Variants in CIP2A observed in about 807,000 individuals in gnomAD.
The protein encoded by CIP2A is cellular inhibitor of PP2A.
In CIP2A, 103 loss-of-function variants were observed where a neutral mutation model predicts 110.9. That is an observed-to-expected ratio of 0.93 (90% CI 0.79 to 1.09). The LOEUF (loss-of-function observed/expected upper bound fraction) is 1.09. Among genes scored for constraint, CIP2A ranks in the 50% least tolerant of loss-of-function variants. The pLI is 0.00. For missense variants in CIP2A, 1,088 were observed against 1,038.4 expected (o/e 1.05, Z -0.66); for synonymous variants, 381 against 361.6 (o/e 1.05, Z -0.61).
intron 3 of CIP2A, among the ~76,000 whole-genome samples, 181 bp downstream of exon 3, chr3:108,582,796 T>C (rs1415793070): frequency 6.6e-6 from 1 of 152,226 alleles, no homozygotes; most frequent in Non-Finnish European, 1.5e-5. Flanking sequence ...GATAAGCTTC[T>C]CTTCTCTAGA....
chr3:108,573,517 CCT>C (rs1938467782), intron 8 of CIP2A, among the ~76,000 whole-genome samples: 2 of 151,634 alleles, frequency 1.3e-5, no homozygotes, highest in East Asian at 1.9e-4. Flanking sequence ...CTTCTACTCC[CCT>C]GTGCTACCTG....
chr3:108,567,597 A>G (rs1438230604), intron 10 of CIP2A, among the ~76,000 whole-genome samples: 1 of 151,960 alleles, frequency 6.6e-6, no homozygotes, highest in Non-Finnish European at 1.5e-5. Flanking sequence ...TTAAGCAGTG[A>G]AACTAAAAGG....
intron 8 of CIP2A, chr3:108,575,116 C>T (rs1404816386): frequency 6.6e-6 from 1 of 151,998 alleles, no homozygotes; most frequent in Admixed American, 6.5e-5. Flanking sequence ...ATCATACTCC[C>T]TTGTCCAAAA....
chr3:108,559,818 AG>A lies in CIP2A; in HGVS notation c.1951del (p.Ala652HisfsTer6), dbSNP rs1216560980. On this transcript the variant is annotated frameshift_variant, in exon 16 of 21. Transcript: ENST00000295746. LOFTEE classifies it high-confidence loss of function. ...AGCAATCAGTCTATCAGCCTGTGCA[AG>A]GGCTAGAGCTTTTGTTTCCAAAAGA... ...QDLLETKALA[L>X]AQADRLIAQH... is the part of the protein sequence containing the mutation. The A allele has an allele frequency of 1.2e-6, 2 of 1,607,348 alleles. No homozygotes were observed. Among genetic ancestry groups the A allele is most frequent in the Admixed American group, 3.3e-5 (2 of 59,866 alleles).
chr3:108,556,456 A>C (rs1445577761), intron 17 of CIP2A, among the ~76,000 whole-genome samples: 1 of 152,168 alleles, frequency 6.6e-6, no homozygotes, highest in African/African-American at 2.4e-5. Flanking sequence ...CTTTGCTAGT[A>C]GGCACACAAA....
chr3:108,583,489 C>T (rs1314068793), intron 2 of CIP2A, among the ~76,000 whole-genome samples: 1 of 152,062 alleles, frequency 6.6e-6, no homozygotes, highest in Non-Finnish European at 1.5e-5. Flanking sequence ...ATAAGCCAGA[C>T]ACAGAAAGAA....
intron 7 of CIP2A, among the ~76,000 whole-genome samples, chr3:108,577,517 T>A (rs1938702432): frequency 6.6e-6 from 1 of 152,138 alleles, no homozygotes; most frequent in African/African-American, 2.4e-5. Flanking sequence ...GGAGCTCCAA[T>A]CAAATGGGGC....
intron 8 of CIP2A, among the ~76,000 whole-genome samples, chr3:108,573,744 A>G (rs997740775): frequency 6.6e-6 from 1 of 152,192 alleles, no homozygotes; most frequent in African/African-American, 2.4e-5. Context: ...AATAAAAAAG[A>G]AAATATTGTT....
rs748054823 is a variant in CIP2A at position 108,582,249 on chromosome 3, C to T, written c.358-47G>A. On this transcript the variant is annotated intron_variant, in intron 3 of 20. Transcript: ENST00000295746. ...TAAATATAAAGATATAAAAACATTG[C>T]CTGCTTAAAATAATGGACTCTCAGG... 5.0e-6 allele frequency: 4 copies of T among 802,204 alleles called. No individual in the cohort carries two copies. The South Asian group carries it at 6.3e-5, about 13-fold the overall frequency. 49.7% of individuals were successfully genotyped at this position (802,204 alleles called of 1,614,324 possible). A position where few individuals can be genotyped will look rare whatever the true frequency, so the allele number is the denominator to read the frequency against.
intron 9 of CIP2A, among the ~76,000 whole-genome samples, chr3:108,568,658 G>A (rs1025579103): frequency 4.6e-5 from 7 of 151,890 alleles, no homozygotes; most frequent in Admixed American, 1.3e-4. Flanking sequence ...AATAGACATT[G>A]GTCTTAATAG....
chr3:108,589,437 T>C lies in CIP2A; in HGVS notation c.-62A>G, dbSNP rs1939241679. 1.6e-6 allele frequency: 2 copies of C among 1,247,682 alleles called. No homozygotes were observed. Among genetic ancestry groups the C allele is most frequent in the Admixed American group, 2.1e-5 (1 of 47,684 alleles). 77.3% of individuals were successfully genotyped at this position (1,247,682 alleles called of 1,614,324 possible). On this transcript the variant is annotated 5_prime_UTR_variant, in exon 1 of 21. Coordinates refer to ENST00000295746, the MANE Select transcript of CIP2A (RefSeq NM_020890.3). ...CCCAGCGTGCGCCGGCCTTTAGCTT[T>C]CGCCGCGCTTTTTTTGATTTTCGGC...
intron 3 of CIP2A, 126 bp downstream of exon 3, chr3:108,582,851 C>T (rs981152807): frequency 9.1e-6 from 4 of 439,020 alleles, no homozygotes; most frequent in Middle Eastern, 3.0e-4. Context: ...ATGAGATGAA[C>T]TGTGCCTAAT....
chr3:108,551,440 T>A (rs1488728096), intron 20 of CIP2A, 121 bp from the exon 21 acceptor site: 7 of 597,428 alleles, frequency 1.2e-5, no homozygotes. Flanking sequence ...TTTCAAGACA[T>A]ACTATAAATA....
At chr3:108,562,756 C>G (rs1262206982) in intron 13 of CIP2A, among the ~76,000 whole-genome samples, 1 of 152,052 alleles carries the variant, frequency 6.6e-6, no homozygotes, top group African/African-American at 2.4e-5. Flanking sequence ...CAGGCCTGGT[C>G]AATGACTAAT....
rs1186756831 is a variant in CIP2A, at chr3:108,569,520, T to G, written c.982A>C (p.Ser328Arg). The change falls in exon 9 of 21, where the codon AGC (serine) becomes CGC (arginine). Residue 328 changes from serine to arginine, a missense_variant. By Grantham distance (110) the Ser-to-Arg change is moderately radical (BLOSUM62 -1). Coordinates refer to ENST00000295746, the MANE Select transcript of CIP2A (RefSeq NM_020890.3). ...QMMFEQSPPG[S>R]ATLGSHTKCL... ...TTAGTATGGCTTCCCAGAGTGGCGC[T>G]GCCAGGTGGAGACTGTTCAAACATC... 1 of 1,612,830 alleles carries G rather than the reference T, an allele frequency of 6.2e-7. No homozygotes were observed. Among genetic ancestry groups the G allele is most frequent in the Non-Finnish European group, 8.5e-7 (1 of 1,179,340 alleles).
intron 14 of CIP2A, among the ~76,000 whole-genome samples, chr3:108,560,237 T>C (rs1263949510): frequency 6.6e-6 from 1 of 152,074 alleles, no homozygotes; most frequent in African/African-American, 2.4e-5. Context: ...AGTGGTATGA[T>C]CTTGGCTCAC....
chr3:108,588,090 C>G (rs140498497), intron 1 of CIP2A, among the ~76,000 whole-genome samples: 4 of 152,140 alleles, frequency 2.6e-5, no homozygotes, highest in Non-Finnish European at 5.9e-5. Context: ...TCTTTCAGTG[C>G]ACAACCTTCC....
At chr3:108,582,003 T>G in intron 4 of CIP2A, 105 bp downstream of exon 4, 1 of 553,428 alleles carries the variant, frequency 1.8e-6, no homozygotes, top group South Asian at 3.2e-5. Context: ...CTCACTCAGT[T>G]TATATGTTAG....
intron 3 of CIP2A, among the ~76,000 whole-genome samples, chr3:108,582,676 T>C (rs528232936): frequency 6.6e-6 from 1 of 152,350 alleles, no homozygotes; most frequent in East Asian, 1.9e-4. Flanking sequence ...CCAACTCACG[T>C]TACAATTTTA....
Sources: allele counts gnomAD v4.1 joint callset (sites outside exome capture counted in the v4.1 genomes callset), GRCh38; gene constraint gnomAD v4.1.1; transcripts MANE v1.5; gene names NCBI Gene and HGNC (gene_info 2026-07-23, HGNC 2026-07-21).